Variants in SLC44A1 observed in about 807,000 individuals in gnomAD.
The protein encoded by SLC44A1 is choline transporter-like protein 1.
In SLC44A1, 26 loss-of-function variants were observed where a neutral mutation model predicts 79.3. The ratio of observed to expected loss-of-function variants is 0.33; its 90% CI spans 0.24 to 0.46. The LOEUF (loss-of-function observed/expected upper bound fraction) is 0.46. SLC44A1 is among the 20% of genes least tolerant of loss of function. SLC44A1 has a pLI of 1.00. For missense variants in SLC44A1, 688 were observed against 798.1 expected, an observed-to-expected ratio of 0.86 and a Z score of 1.66; for synonymous variants, 263 against 286.2, an observed-to-expected ratio of 0.92 and a Z score of 0.82.
intron 5 of SLC44A1, among the ~76,000 whole-genome samples, chr9:105,353,412 TATC>T (rs1402212741): frequency 3.3e-5 from 5 of 150,748 alleles, no homozygotes; most frequent in Non-Finnish European, 7.4e-5. Context: ...AATCATCTAT[TATC>T]ATCCTAAATT....
chr9:105,291,861 A>G (rs1830607718), intron 1 of SLC44A1, among the ~76,000 whole-genome samples: 1 of 152,364 alleles, frequency 6.6e-6, no homozygotes, highest in East Asian at 1.9e-4. Context: ...ACACAAGTAT[A>G]TGTTGATAAC....
In SLC44A1 at chr9:105,390,929, T is replaced by A; in HGVS notation, c.*1873T>A. The A allele has an allele frequency of 1.0e-6, 1 of 981,686 alleles. No individual in the cohort carries two copies. Among genetic ancestry groups the A allele is most frequent in the Non-Finnish European group, 1.2e-6 (1 of 826,184 alleles). The allele number at this position is 981,686 out of a possible 1,614,324, so 60.8% of individuals were successfully genotyped here. Reference sequence around the variant, plus strand: ...CAAACAGTATCGCTGTTCTCTTTTATTCATTTGAAATGAATATAATTATAT... The same window carrying A: ...CAAACAGTATCGCTGTTCTCTTTTAATCATTTGAAATGAATATAATTATAT... On this transcript the variant is annotated 3_prime_UTR_variant, in exon 16 of 16. Transcript: ENST00000374720.
intron 5 of SLC44A1, among the ~76,000 whole-genome samples, chr9:105,353,516 G>A (rs529300525): frequency 6.6e-6 from 1 of 152,244 alleles, no homozygotes; most frequent in African/African-American, 2.4e-5. Context: ...GGATGGTGAT[G>A]ATGATGATCT....
At chr9:105,253,880 C>CA (rs1163371841) in intron 1 of SLC44A1, among the ~76,000 whole-genome samples, 1 of 152,114 alleles carries the variant, frequency 6.6e-6, no homozygotes, top group Non-Finnish European at 1.5e-5. Context: ...CCCGCCACCA[C>CA]ACCTGGCTAA....
intron 15 of SLC44A1, among the ~76,000 whole-genome samples, chr9:105,405,373 G>A (rs2131502230): frequency 6.6e-6 from 1 of 151,416 alleles, no homozygotes; most frequent in South Asian, 2.1e-4. Context: ...GGCAGAGCAG[G>A]AAATTCCAAA....
intron 15 of SLC44A1, among the ~76,000 whole-genome samples, chr9:105,412,207 AC>A (rs1431289310): frequency 6.6e-6 from 1 of 152,248 alleles, no homozygotes; most frequent in Non-Finnish European, 1.5e-5. Flanking sequence ...GTCATCAAAT[AC>A]ATATTTATTT....
chr9:105,318,471 C>T (rs1826275588), intron 3 of SLC44A1, among the ~76,000 whole-genome samples: 1 of 152,230 alleles, frequency 6.6e-6, no homozygotes, highest in South Asian at 2.1e-4. Flanking sequence ...TGAGCCACTA[C>T]ACCCGGCCTA....
intron 4 of SLC44A1, among the ~76,000 whole-genome samples, chr9:105,337,750 G>T (rs1826967471): frequency 6.6e-6 from 1 of 152,146 alleles, no homozygotes; most frequent in Non-Finnish European, 1.5e-5. Context: ...TCATCTGGAG[G>T]GCTAGAAGAG....
chr9:105,300,793 T>TTTTA (rs397955693), intron 2 of SLC44A1, among the ~76,000 whole-genome samples: 1 of 151,794 alleles, frequency 6.6e-6, no homozygotes, highest in Admixed American at 6.6e-5. Context: ...TTTTTTTTTT[T>TTTTA]GAGACAGAAT....
intron 4 of SLC44A1, among the ~76,000 whole-genome samples, chr9:105,340,222 T>C (rs367661012): frequency 6.6e-6 from 1 of 152,170 alleles, no homozygotes; most frequent in East Asian, 1.9e-4. Flanking sequence ...AATAGGAAAA[T>C]AAATTCTGAC....
intron 3 of SLC44A1, among the ~76,000 whole-genome samples, chr9:105,320,597 A>G (rs1008300304): frequency 4.6e-5 from 7 of 151,664 alleles, no homozygotes; most frequent in Admixed American, 3.3e-4. Context: ...TTTTTTAGAG[A>G]TAGGATCTCA....
At chr9:105,279,251 C>A in intron 1 of SLC44A1, among the ~76,000 whole-genome samples, 1 of 146,208 alleles carries the variant, frequency 6.8e-6, no homozygotes, top group African/African-American at 2.5e-5. Flanking sequence ...ATAATATGCT[C>A]AAAAAACATT....
intron 1 of SLC44A1, among the ~76,000 whole-genome samples, chr9:105,286,835 A>T (rs961604538): frequency 6.6e-6 from 1 of 152,144 alleles, no homozygotes; most frequent in Admixed American, 6.6e-5. Context: ...ATAGCAGTGC[A>T]TGCCTGTAGT....
chr9:105,390,800 A>G lies in SLC44A1; in HGVS notation c.*1744A>G, dbSNP rs961622687. 5 of 985,542 alleles carry G rather than the reference A, an allele frequency of 5.1e-6. No individual in the cohort carries two copies. The highest frequency in any genetic ancestry group is 9.4e-5 in the South Asian group (2 of 21,282). The allele number at this position is 985,542 out of a possible 1,614,324, so 61.0% of individuals were successfully genotyped here. A position where few individuals can be genotyped will look rare whatever the true frequency, so the allele number is the denominator to read the frequency against. On this transcript the variant is annotated 3_prime_UTR_variant, in exon 16 of 16. Coordinates refer to ENST00000374720, the MANE Select transcript of SLC44A1 (RefSeq NM_080546.5). ...TTTAAAAAACACATGCATACACACA[A>G]TTAAGAGCTCATGTCTTAGCAAGAT...
intron 1 of SLC44A1, among the ~76,000 whole-genome samples, chr9:105,251,219 A>T (rs1829578569): frequency 6.6e-6 from 1 of 152,108 alleles, no homozygotes; most frequent in African/African-American, 2.4e-5. Flanking sequence ...CGGCTTTTTC[A>T]GTACTTTATC....
At chr9:105,379,605 T>A (rs1828400195) in intron 13 of SLC44A1, among the ~76,000 whole-genome samples, 1 of 152,176 alleles carries the variant, frequency 6.6e-6, no homozygotes, top group Non-Finnish European at 1.5e-5. Flanking sequence ...AAAAAAGACA[T>A]CATTATGGGT....
chr9:105,340,637 A>C (rs1233158216), intron 4 of SLC44A1, among the ~76,000 whole-genome samples: 2 of 152,220 alleles, frequency 1.3e-5, no homozygotes, highest in African/African-American at 4.8e-5. Flanking sequence ...TTTAAGATGC[A>C]AGGCAATATA....
chr9:105,309,654 A>G, intron 2 of SLC44A1, 70 bp from the exon 3 acceptor site: 1 of 1,415,438 alleles, frequency 7.1e-7, no homozygotes, highest in South Asian at 1.2e-5. Flanking sequence ...GAAGCTCATT[A>G]TCGTATCAAC....
At chr9:105,360,907 T>C (rs1409010601) in intron 7 of SLC44A1, among the ~76,000 whole-genome samples, 2 of 152,236 alleles carry the variant, frequency 1.3e-5, no homozygotes, top group Non-Finnish European at 2.9e-5. Context: ...TGTATGTTTC[T>C]ACTGGCTCGC....
Sources: allele counts gnomAD v4.1 joint callset (sites outside exome capture counted in the v4.1 genomes callset), GRCh38; gene constraint gnomAD v4.1.1; transcripts MANE v1.5; gene names NCBI Gene and HGNC (gene_info 2026-07-23, HGNC 2026-07-21).